Variants in FSTL4 observed in about 807,000 individuals in gnomAD.
FSTL4 encodes the protein follistatin like 4.
FSTL4 carries 28 observed loss-of-function variants against 78.2 expected under a neutral mutation model. The ratio of observed to expected loss-of-function variants is 0.36; its 90% CI spans 0.27 to 0.49. The LOEUF (loss-of-function observed/expected upper bound fraction) is 0.49, where lower values mean the gene tolerates loss of function less well. Among genes scored for constraint, FSTL4 ranks in the 20% least tolerant of loss-of-function variants. The probability of loss-of-function intolerance (pLI) is 0.98; values close to 1 mark genes in which losing one functional copy is unlikely to be tolerated. For synonymous variants in FSTL4, 422 were observed against 440.5 expected (o/e 0.96, Z 0.53); for missense variants, 922 against 1,084.9 (o/e 0.85, Z 2.11).
the FSTL4 span, among the ~76,000 whole-genome samples, chr5:133,742,774 T>C: frequency 6.6e-6 from 1 of 152,150 alleles, no homozygotes; most frequent in Non-Finnish European, 1.5e-5. Flanking sequence ...TCCTATGAAC[T>C]GGAGACCCAT....
intron 3 of FSTL4, among the ~76,000 whole-genome samples, chr5:133,467,281 T>TGTGA (rs1554116854): frequency 6.6e-6 from 1 of 151,224 alleles, no homozygotes; most frequent in Non-Finnish European, 1.5e-5. Flanking sequence ...TGTGTGTGTG[T>TGTGA]GAGTGTGTAT....
At chr5:133,280,925 C>T (rs1752993779) in intron 6 of FSTL4, among the ~76,000 whole-genome samples, 1 of 152,182 alleles carries the variant, frequency 6.6e-6, no homozygotes, top group Non-Finnish European at 1.5e-5. Flanking sequence ...CATAACTACC[C>T]TATCTAGAGT....
the FSTL4 span, among the ~76,000 whole-genome samples, chr5:133,723,414 G>T: frequency 6.6e-6 from 1 of 152,172 alleles, no homozygotes; most frequent in African/African-American, 2.4e-5. Context: ...TTTGGGGGAT[G>T]AGGTACCACA....
At chr5:133,795,324 G>A in the FSTL4 span, among the ~76,000 whole-genome samples, 1 of 152,224 alleles carries the variant, frequency 6.6e-6, no homozygotes, top group African/African-American at 2.4e-5. Context: ...GCAAGCTCAG[G>A]GGAGGCCACA....
chr5:133,281,388 T>C (rs1374917780), intron 6 of FSTL4, among the ~76,000 whole-genome samples: 2 of 152,182 alleles, frequency 1.3e-5, no homozygotes, highest in Non-Finnish European at 2.9e-5. Flanking sequence ...TGACATTCCC[T>C]GAGCACCCTG....
intron 6 of FSTL4, among the ~76,000 whole-genome samples, chr5:133,272,317 C>CA (rs1752785067): frequency 6.6e-6 from 1 of 152,222 alleles, no homozygotes; most frequent in Non-Finnish European, 1.5e-5. Context: ...CACTTACACT[C>CA]ACTGCATTCT....
intron 2 of FSTL4, among the ~76,000 whole-genome samples, chr5:133,572,961 T>C (rs1760191731): frequency 6.6e-6 from 1 of 152,164 alleles, no homozygotes. Flanking sequence ...ACACAAGGAT[T>C]GGGCTGGGCG....
intron 6 of FSTL4, among the ~76,000 whole-genome samples, chr5:133,255,363 T>A (rs1752357730): frequency 6.6e-6 from 1 of 152,206 alleles, no homozygotes; most frequent in Non-Finnish European, 1.5e-5. Context: ...AGAGCTGCTC[T>A]GCAAGTAGGG....
the FSTL4 span, among the ~76,000 whole-genome samples, chr5:133,696,961 C>T: frequency 6.6e-6 from 1 of 152,216 alleles, no homozygotes; most frequent in Non-Finnish European, 1.5e-5. Context: ...AGAGGAGCCC[C>T]AACACCCTAG....
intron 3 of FSTL4, among the ~76,000 whole-genome samples, chr5:133,511,435 G>A (rs1377508601): frequency 6.6e-6 from 1 of 152,008 alleles, no homozygotes; most frequent in Non-Finnish European, 1.5e-5. Context: ...CTCTTCTAAG[G>A]AAAACTGTCT....
At chr5:133,311,403 G>C (rs138482540) in intron 6 of FSTL4, among the ~76,000 whole-genome samples, 6 of 152,246 alleles carry the variant, frequency 3.9e-5, no homozygotes, top group African/African-American at 9.6e-5. Context: ...GGAACCTGGG[G>C]TGGACTTTGG....
the FSTL4 span, among the ~76,000 whole-genome samples, chr5:133,665,737 T>C: frequency 1.9e-4 from 29 of 152,340 alleles, no homozygotes; most frequent in Middle Eastern, 3.4e-3. Flanking sequence ...TGGGAACATC[T>C]GGCTGACATA....
At position 133,349,918 on chromosome 5, in the gene FSTL4, T is replaced by C. The variant is rs548394483; in HGVS notation, c.410-33266A>G. ...CATAGGATGGACTTTATGTTTGTCA[T>C]GCTGCCATGCGACTGTAAAGGACCC... On this transcript the variant is annotated intron_variant, in intron 4 of 15. Transcript: ENST00000265342. 2.6e-4 allele frequency among the ~76,000 whole-genome samples: 38 copies of C among 145,514 alleles called. 1 individual carries two copies. The highest frequency in any genetic ancestry group is 9.5e-4 in the African/African-American group (37 of 38,942).
chr5:133,445,388 G>C (rs948006414), intron 3 of FSTL4, among the ~76,000 whole-genome samples: 1 of 152,114 alleles, frequency 6.6e-6, no homozygotes, highest in African/African-American at 2.4e-5. Context: ...GCCGGGGAGT[G>C]CTCCCTCAGA....
At chr5:133,445,652 GA>G (rs1757248712) in intron 3 of FSTL4, among the ~76,000 whole-genome samples, 2 of 152,222 alleles carry the variant, frequency 1.3e-5, no homozygotes, top group Admixed American at 1.3e-4. Context: ...AGCAGACTGG[GA>G]TGGGTAGCTG....
chr5:133,333,113 C>T (rs1222625380), intron 4 of FSTL4, among the ~76,000 whole-genome samples: 1 of 152,184 alleles, frequency 6.6e-6, no homozygotes, highest in Admixed American at 6.5e-5. Flanking sequence ...TGACACTGCA[C>T]ATGTGGCGGC....
At chr5:133,753,919 C>T in the FSTL4 span, among the ~76,000 whole-genome samples, 1 of 152,146 alleles carries the variant, frequency 6.6e-6, no homozygotes, top group Non-Finnish European at 1.5e-5. Flanking sequence ...CCCTTAACTT[C>T]TCTAAGCTGC....
the FSTL4 span, among the ~76,000 whole-genome samples, chr5:133,757,305 T>A: frequency 2.0e-5 from 3 of 152,244 alleles, no homozygotes; most frequent in Non-Finnish European, 4.4e-5. Flanking sequence ...TATAAACATT[T>A]ATCAATGAAT....
intron 11 of FSTL4, among the ~76,000 whole-genome samples, chr5:133,223,241 G>A (rs114172540): frequency 0.013 from 1,950 of 152,316 alleles, 30 homozygotes; most frequent in African/African-American, 0.043. Flanking sequence ...GCAGTTCCTC[G>A]TTTTCTGGGC....
Sources: gnomAD v4.1 joint callset for allele counts (sites outside exome capture counted in the v4.1 genomes callset) on GRCh38, gnomAD v4.1.1 for gene constraint, MANE v1.5 for transcripts, NCBI Gene and HGNC (gene_info 2026-07-23, HGNC 2026-07-21) for gene names.